MYO1F: variants seen among roughly 807,000 people sequenced by gnomAD.
The protein encoded by MYO1F is myosin IF.
A neutral mutation model predicts 146.6 loss-of-function variants in MYO1F; 60 were observed. The observed-to-expected ratio is 0.41, with a 90% confidence interval of 0.33 to 0.51. The LOEUF is 0.51. Among genes scored for constraint, MYO1F ranks in the 20% least tolerant of loss-of-function variants. The pLI, the probability that MYO1F is intolerant of heterozygous loss-of-function variation, is 0.25. For synonymous variants in MYO1F, 602 were observed against 602.1 expected (o/e 1.00, Z 0.00); for missense variants, 1,274 against 1,534.3 (o/e 0.83, Z 2.83).
At chr19:8,537,121 T>C in intron 16 of MYO1F, 66 bp from the exon 17 acceptor site, 5 of 1,086,118 alleles carry the variant, frequency 4.6e-6, no homozygotes, top group Non-Finnish European at 6.9e-6. Context: ...CCCTCTTTTT[T>C]CCACCCTGGA....
intron 19 of MYO1F, among the ~76,000 whole-genome samples, chr19:8,531,947 G>A (rs917230371): frequency 8.6e-5 from 13 of 152,028 alleles, no homozygotes; most frequent in African/African-American, 2.7e-4. Flanking sequence ...GTGAAACCCC[G>A]TCTCTACTAA....
rs1973822112 is a variant in MYO1F at position 8,555,737 on chromosome 19, G to A, written c.63C>T (p.Asp21=). ...CGGTGATCTGGGGAAGAAGCACCAT[G>A]TCATCCACGCCGCTCTGCTTCACGT... The part of the protein sequence containing the change: ...SHNVKQSGVD[D]MVLLPQITED... Residue 21 remains aspartate (D), a synonymous_variant, in exon 2 of 28, where the codon GAC becomes GAT. Coordinates refer to ENST00000644032, the MANE Select transcript of MYO1F (RefSeq NM_012335.4). The A allele has an allele frequency of 1.9e-6, 3 of 1,614,016 alleles. No individual in the cohort carries two copies. The highest frequency in any genetic ancestry group is 2.2e-5 in the South Asian group (2 of 91,092).
chr19:8,523,190 C>A (rs1365911145), intron 25 of MYO1F, among the ~76,000 whole-genome samples: 1 of 151,864 alleles, frequency 6.6e-6, no homozygotes, highest in East Asian at 1.9e-4. Context: ...TGCCACCACG[C>A]CTGGATAATT....
chr19:8,541,604 AT>A, intron 15 of MYO1F: 2 of 387,614 alleles, frequency 5.2e-6, no homozygotes, highest in Non-Finnish European at 9.8e-6. Context: ...AATTTTTATA[AT>A]TTTAGTAGAG....
At position 8,530,381 on chromosome 19, in the gene MYO1F, G is replaced by A. The variant is rs1972432031; in HGVS notation, c.2159-16C>T. The stretch of plus-strand genomic sequence containing the variant: ...ATGTTGGAAGCTGCGGGGACAGAGG[G>A]TGGAGGGCAGAGCTCCTGATACAGC... On this transcript the variant is annotated splice_polypyrimidine_tract_variant and intron_variant, in intron 20 of 27. Coordinates refer to ENST00000644032, the MANE Select transcript of MYO1F (RefSeq NM_012335.4). This position sits in a 1 kb window ranked among gnomAD's most constrained non-coding sequence, Gnocchi z 5.8. The A allele has an allele frequency of 3.7e-6, 6 of 1,614,032 alleles. No homozygotes were observed. The highest frequency in any genetic ancestry group is 2.2e-5 in the East Asian group (1 of 44,878).
At chr19:8,546,664 C>T (rs1973370767) in intron 12 of MYO1F, among the ~76,000 whole-genome samples, 1 of 151,652 alleles carries the variant, frequency 6.6e-6, no homozygotes, top group Non-Finnish European at 1.5e-5. Flanking sequence ...CTGGCTCGGT[C>T]TGTCTCTCTC....
chr19:8,529,850 T>G (rs1443976241), intron 21 of MYO1F: 14 of 468,178 alleles, frequency 3.0e-5, no homozygotes, highest in Non-Finnish European at 2.0e-5. Context: ...GTACCTGTGA[T>G]GGAACAGATT....
rs75747242 is a variant in MYO1F, at chr19:8,553,540, C to T, written c.327-103G>A. Reference sequence around the variant, plus strand: ...CACCTACTGTGTGCCTGCCAGTATTCCGGGTACTGGGGATACTGTAATGAA... The same window carrying T: ...CACCTACTGTGTGCCTGCCAGTATTTCGGGTACTGGGGATACTGTAATGAA... On this transcript the variant is annotated intron_variant, in intron 4 of 27. Coordinates refer to ENST00000644032, the MANE Select transcript of MYO1F (RefSeq NM_012335.4). 5,080 of 929,084 alleles carry T rather than the reference C, an allele frequency of 5.5e-3. 183 individuals carry two copies. In the African/African-American group the frequency reaches 0.073, roughly 13 times the overall value. 57.6% of individuals were successfully genotyped at this position (929,084 alleles called of 1,614,324 possible). A position where few individuals can be genotyped will look rare whatever the true frequency, so the allele number is the denominator to read the frequency against.
rs773206689 is a variant in MYO1F at position 8,525,549 on chromosome 19, C to T, written c.2784G>A (p.Lys928=). 17 of 1,613,378 alleles carry T rather than the reference C, an allele frequency of 1.1e-5. No homozygotes were observed. Among genetic ancestry groups the T allele is most frequent in the Non-Finnish European group, 1.4e-5 (17 of 1,179,942 alleles). Residue 928 remains lysine (K), a synonymous_variant, in exon 25 of 28, where the codon AAG becomes AAA. Transcript: ENST00000644032. ...TCCGAGGTTTTCCCTTGGCCATTCC[C>T]TTCCGCGTAGGCTCTGAAAGAAGAG... ...GLPKSSKPTR[K]GMAKGKPRRS...
chr19:8,556,222 G>A (rs1428713407), intron 1 of MYO1F, among the ~76,000 whole-genome samples: 2 of 150,998 alleles, frequency 1.3e-5, no homozygotes, highest in Admixed American at 6.6e-5. Context: ...TAGAGATGGG[G>A]TTTCACCATG....
intron 1 of MYO1F, among the ~76,000 whole-genome samples, chr19:8,574,309 C>T (rs1372158987): frequency 1.3e-5 from 2 of 152,198 alleles, no homozygotes; most frequent in Non-Finnish European, 1.5e-5. Flanking sequence ...TTACCACAAT[C>T]GTCACCTCCG....
chr19:8,530,011 G>T lies in MYO1F; in HGVS notation c.2328+185C>A. The T allele has an allele frequency of 1.3e-6, 1 of 777,906 alleles. No homozygotes were observed. The allele number at this position is 777,906 out of a possible 1,614,324, so 48.2% of individuals were successfully genotyped here. ...GTGAGGGTATACCTGTGATGGAACAGATGGATCTAGGCTGGGGGATCTATG... is the reference window on the plus strand; with the variant it reads ...GTGAGGGTATACCTGTGATGGAACATATGGATCTAGGCTGGGGGATCTATG... On this transcript the variant is annotated intron_variant, in intron 21 of 27. Transcript: ENST00000644032. The surrounding 1 kb of genome is among the most constrained non-coding windows in gnomAD (Gnocchi z 5.8).
rs766812900 is a variant in MYO1F, at chr19:8,544,277, G to T, written c.1524+20C>A. On this transcript the variant is annotated intron_variant, in intron 14 of 27. Transcript: ENST00000644032. Reference sequence around the variant, plus strand: ...GGGTCTGCGAGGAGGCACAGGGTAGGGTAGGGGCAGGGGGCGCACCTTGCC... The same window carrying T: ...GGGTCTGCGAGGAGGCACAGGGTAGTGTAGGGGCAGGGGGCGCACCTTGCC... 5 of 1,612,560 alleles carry T rather than the reference G, an allele frequency of 3.1e-6. No homozygotes were observed. The South Asian group carries it at 4.4e-5, about 14-fold the overall frequency.
intron 19 of MYO1F, among the ~76,000 whole-genome samples, chr19:8,531,198 T>C (rs1972473749): frequency 6.6e-6 from 1 of 150,978 alleles, no homozygotes; most frequent in South Asian, 2.1e-4. Flanking sequence ...AAACATAAAA[T>C]TAGCCGGGCA....
chr19:8,571,644 C>T (rs1555731955), intron 1 of MYO1F, among the ~76,000 whole-genome samples: 1 of 151,260 alleles, frequency 6.6e-6, no homozygotes, highest in African/African-American at 2.4e-5. Context: ...CTCACCCAGG[C>T]TGGAGTGCAG....
rs368817158 is a variant in MYO1F at position 8,550,579 on chromosome 19, C to T, written c.887G>A (p.Arg296Gln). 43 of 1,614,052 alleles carry T rather than the reference C, an allele frequency of 2.7e-5. No homozygotes were observed. Among genetic ancestry groups the T allele is most frequent in the African/African-American group, 1.2e-4 (9 of 74,936 alleles). The part of the protein sequence containing the change: ...ISFCEDGNYA[R>Q]VESVDLLAFP... ...ACACTCACGGTCCACACTCTCCACT[C>T]GGGCGTAATTCCCGTCTTCACAGAA... Residue 296 changes from arginine (R) to glutamine (Q), a missense_variant, in exon 9 of 28, where the codon CGA becomes CAA. Transcript: ENST00000644032.
In MYO1F at chr19:8,560,256, G is replaced by A. The variant is rs1037903231; in HGVS notation, c.4-4460C>T. On this transcript the variant is annotated intron_variant, in intron 1 of 27. Transcript: ENST00000644032. ...TCCCAGCACTTTGGGAGGCTGAGGC[G>A]GGCGGATCATGAGGTCAGGAGATCG... Among the ~76,000 whole-genome samples, 4 of 151,854 alleles carry A rather than the reference G, an allele frequency of 2.6e-5. 1 individual carries two copies. Among genetic ancestry groups the A allele is most frequent in the South Asian group, 2.1e-4 (1 of 4,808 alleles).
At position 8,536,560 on chromosome 19, in the gene MYO1F, T is replaced by G; in HGVS notation, c.1837A>C (p.Asn613His). The change falls in exon 18 of 28, where the codon AAC becomes CAC. Residue 613 changes from asparagine to histidine, a missense_variant. By Grantham distance (68) the Asn-to-His change is moderately conservative. Transcript: ENST00000644032. ...HQVEYLGLKE[N>H]IRVRRAGFAY... is the part of the protein sequence containing the mutation. ...AAGCCGGCTCTGCGCACCCTGATGT[T>G]CTCCTTCAGGCCCAGGTATTCCACC... 1 of 1,601,270 alleles carries G rather than the reference T, an allele frequency of 6.2e-7. No individual in the cohort carries two copies. The highest frequency in any genetic ancestry group is 1.4e-5 in the African/African-American group (1 of 72,348).
intron 16 of MYO1F, among the ~76,000 whole-genome samples, chr19:8,537,343 G>A (rs1359949800): frequency 6.6e-6 from 1 of 152,180 alleles, no homozygotes. Context: ...TAAGTGCTCA[G>A]TAAATGTTTG....
Sources: gnomAD v4.1 joint callset for allele counts (sites outside exome capture counted in the v4.1 genomes callset) on GRCh38, gnomAD v4.1.1 for gene constraint, Gnocchi (gnomAD v3.1) non-coding constraint, MANE v1.5 for transcripts, NCBI Gene and HGNC (gene_info 2026-07-23, HGNC 2026-07-21) for gene names.